The following LCOR variants were observed in gnomAD, a reference collection of about 807,000 sequenced individuals.
The protein encoded by LCOR is ligand dependent nuclear receptor corepressor, also known as ligand-dependent corepressor.
A neutral mutation model predicts 64.4 loss-of-function variants in LCOR; 14 were observed. That is an observed-to-expected ratio of 0.22 (90% CI 0.14 to 0.34). The LOEUF (loss-of-function observed/expected upper bound fraction) is 0.34, where lower values mean the gene tolerates loss of function less well. LCOR is among the 10% of genes least tolerant of loss of function. The pLI, the probability that LCOR is intolerant of heterozygous loss-of-function variation, is 1.00. For missense variants in LCOR, 1,686 were observed against 1,765.3 expected, an observed-to-expected ratio of 0.96 and a Z score of 0.80; for synonymous variants, 643 against 642.5, an observed-to-expected ratio of 1.00 and a Z score of -0.01.
In LCOR at chr10:96,957,834, G is replaced by T. The variant is rs1012241647; in HGVS notation, c.332+5638G>T. Reference sequence around the variant, plus strand: ...GGGTTCCTCTTGTTTTGGTTATTTTGTGTAGCAGTTTAATCAGTGGATAAC... The same window carrying T: ...GGGTTCCTCTTGTTTTGGTTATTTTTTGTAGCAGTTTAATCAGTGGATAAC... On this transcript the variant is annotated intron_variant, in intron 7 of 7. Coordinates refer to ENST00000421806, the MANE Select transcript of LCOR (RefSeq NM_001346516.2). 3.0e-6 allele frequency: 3 copies of T among 985,648 alleles called. No individual in the cohort carries two copies. The African/African-American group carries it at 5.2e-5, about 17-fold the overall frequency. The allele number at this position is 985,648 out of a possible 1,614,324, so 61.1% of individuals were successfully genotyped here.
At chr10:96,947,645 G>GT (rs1847611271) in intron 5 of LCOR, among the ~76,000 whole-genome samples, 1 of 152,044 alleles carries the variant, frequency 6.6e-6, no homozygotes, top group Non-Finnish European at 1.5e-5. Flanking sequence ...AGGTAAAACA[G>GT]TAAGATCAGG....
At position 96,984,879 on chromosome 10, in the gene LCOR, A is replaced by G; in HGVS notation, c.4419A>G (p.Lys1473=). The G allele has an allele frequency of 3.1e-6, 5 of 1,613,914 alleles. No homozygotes were observed. Among genetic ancestry groups the G allele is most frequent in the Non-Finnish European group, 4.2e-6 (5 of 1,179,998 alleles). The change falls in exon 8 of 8, where the codon AAA becomes AAG. Residue 1473 remains lysine (K), a synonymous_variant. Transcript: ENST00000421806. The part of the protein sequence containing the change: ...SAGKSCPPSR[K]EKENTNKRPS... The stretch of plus-strand genomic sequence containing the variant: ...GGAAGAGCTGCCCTCCCTCCAGGAA[A>G]GAAAAAGAGAATACAAACAAAAGGC...
At chr10:96,920,751 T>TATATGTATAC (rs761907103) in intron 4 of LCOR, among the ~76,000 whole-genome samples, 3,204 of 118,736 alleles carry the variant, frequency 0.027, 166 homozygotes, top group East Asian at 0.12. Context: ...TATATATGTA[T>TATATGTATAC]ACACACACAC....
At chr10:96,851,161 TCA>T (rs1157015471) in intron 2 of LCOR, among the ~76,000 whole-genome samples, 1 of 152,222 alleles carries the variant, frequency 6.6e-6, no homozygotes, top group Non-Finnish European at 1.5e-5. Flanking sequence ...GTACTACTGC[TCA>T]TGCTTACTGC....
rs148326511 is a variant in LCOR, at chr10:96,973,081, A to G, written c.333-7712A>G. On this transcript the variant is annotated intron_variant, in intron 7 of 7. Transcript: ENST00000421806. ...TGGGAAAGGGGATAATTTAACCCCA[A>G]TTTTGAAAATTGCTTTTTCTGTATC... is the stretch of plus-strand genomic sequence containing the variant. 1.3e-3 allele frequency among the ~76,000 whole-genome samples: 193 copies of G among 152,308 alleles called. 1 individual carries two copies. Among genetic ancestry groups the G allele is most frequent in the African/African-American group, 4.4e-3 (184 of 41,568 alleles).
chr10:96,867,389 G>T (rs1024133583), intron 2 of LCOR, among the ~76,000 whole-genome samples: 1 of 152,146 alleles, frequency 6.6e-6, no homozygotes, highest in Admixed American at 6.6e-5. Context: ...TTGAGTCCAG[G>T]AGTTTGAGAC....
At chr10:96,936,790 G>A (rs1178644347) in intron 4 of LCOR, among the ~76,000 whole-genome samples, 2 of 149,190 alleles carry the variant, frequency 1.3e-5, no homozygotes, top group African/African-American at 5.1e-5. Flanking sequence ...CCTTATAAGG[G>A]GGATGCCTGA....
At chr10:96,973,493 T>C (rs1848015151) in intron 7 of LCOR, among the ~76,000 whole-genome samples, 1 of 152,192 alleles carries the variant, frequency 6.6e-6, no homozygotes, top group South Asian at 2.1e-4. Context: ...TTTCAGGCCC[T>C]CCTGACTATA....
chr10:96,845,219 C>G (rs1589600798), intron 2 of LCOR, among the ~76,000 whole-genome samples: 2 of 152,074 alleles, frequency 1.3e-5, no homozygotes, highest in East Asian at 3.9e-4. Context: ...GACGTTGTGA[C>G]AAAGGTAATA....
At chr10:96,920,590 A>ATG (rs2134471959) in intron 4 of LCOR, among the ~76,000 whole-genome samples, 1 of 147,466 alleles carries the variant, frequency 6.8e-6, no homozygotes, top group Non-Finnish European at 1.5e-5. Flanking sequence ...ATATATGTGT[A>ATG]TATATGTATG....
intron 7 of LCOR, among the ~76,000 whole-genome samples, chr10:96,952,841 T>G (rs1847704803): frequency 6.6e-6 from 1 of 152,202 alleles, no homozygotes; most frequent in South Asian, 2.1e-4. Flanking sequence ...AGTCAGGTAT[T>G]AATATTAAGA....
At chr10:96,865,559 G>A (rs1192138579) in intron 2 of LCOR, among the ~76,000 whole-genome samples, 2 of 151,764 alleles carry the variant, frequency 1.3e-5, no homozygotes, top group Non-Finnish European at 2.9e-5. Context: ...CACCCCTATG[G>A]CCATCACCCA....
intron 2 of LCOR, among the ~76,000 whole-genome samples, chr10:96,882,706 T>TA (rs533246486): frequency 1.3e-5 from 2 of 152,196 alleles, no homozygotes; most frequent in South Asian, 4.1e-4. Context: ...TTTAACTGCT[T>TA]AAAAATCCTC....
At chr10:96,842,632 C>CTTTTTT (rs976571447) in intron 2 of LCOR, among the ~76,000 whole-genome samples, 10 of 134,360 alleles carry the variant, frequency 7.4e-5, no homozygotes, top group African/African-American at 1.1e-4. Flanking sequence ...CTTTTCTTTT[C>CTTTTTT]TTTTTTTTTT....
At chr10:96,920,388 A>G (rs1187580167) in intron 4 of LCOR, among the ~76,000 whole-genome samples, 2 of 145,672 alleles carry the variant, frequency 1.4e-5, no homozygotes, top group Non-Finnish European at 3.0e-5. Context: ...ATTCATATAT[A>G]TATGTGTATA....
intron 7 of LCOR, chr10:96,958,106 T>C (rs536939523): frequency 8.9e-7 from 1 of 1,122,606 alleles, no homozygotes; most frequent in African/African-American, 1.6e-5. Flanking sequence ...ACACAATTAA[T>C]TGCAGCCATA....
At chr10:96,852,383 T>C (rs1054161800) in intron 2 of LCOR, among the ~76,000 whole-genome samples, 6 of 152,194 alleles carry the variant, frequency 3.9e-5, no homozygotes, top group Non-Finnish European at 7.3e-5. Context: ...GATGCACCAC[T>C]GCTCTCCAGC....
chr10:96,979,646 C>T (rs1002388903), intron 7 of LCOR, among the ~76,000 whole-genome samples: 1 of 152,168 alleles, frequency 6.6e-6, no homozygotes, highest in Non-Finnish European at 1.5e-5. Flanking sequence ...ATACTACTAC[C>T]TTGCAGTGAC....
chr10:96,933,989 TG>T (rs2134494311), intron 4 of LCOR, among the ~76,000 whole-genome samples: 1 of 152,346 alleles, frequency 6.6e-6, no homozygotes, highest in South Asian at 2.1e-4. Context: ...TTATAGCATT[TG>T]TTTAGCATAT....
Sources: gnomAD v4.1 joint callset for allele counts (sites outside exome capture counted in the v4.1 genomes callset) on GRCh38, gnomAD v4.1.1 for gene constraint, MANE v1.5 for transcripts, NCBI Gene and HGNC (gene_info 2026-07-23, HGNC 2026-07-21) for gene names.